FAT1: variants seen among roughly 807,000 people sequenced by gnomAD.
FAT1 encodes the protein protocadherin Fat 1.
Under a neutral mutation model 329.8 loss-of-function variants are expected in FAT1, and 171 were observed. The ratio of observed to expected loss-of-function variants is 0.52; its 90% CI spans 0.46 to 0.59. The LOEUF is 0.59. FAT1 is among the 20% of genes least tolerant of loss of function. The pLI is 0.00. For synonymous variants in FAT1, 2,233 were observed against 2,228.6 expected, an observed-to-expected ratio of 1.00 and a Z score of -0.06; for missense variants, 5,672 against 5,774.4, an observed-to-expected ratio of 0.98 and a Z score of 0.57.
At chr4:186,642,774 C>T (rs396205) in intron 3 of FAT1, among the ~76,000 whole-genome samples, 17,425 of 152,134 alleles carry the variant, frequency 0.11, 1,061 homozygotes, top group African/African-American at 0.14. Flanking sequence ...ACCACACCCA[C>T]AGAAGTGAGC....
chr4:186,719,372 C>T (rs1745364085), intron 1 of FAT1, among the ~76,000 whole-genome samples: 1 of 152,168 alleles, frequency 6.6e-6, no homozygotes, highest in Admixed American at 6.5e-5. Flanking sequence ...AACAATAAAA[C>T]AGTAAAAATA....
In FAT1 at chr4:186,603,313, C is replaced by A; in HGVS notation, c.11213G>T (p.Cys3738Phe). Reference sequence around the variant, plus strand: ...CTTCCAGGGGCAGTCCAGTCCCGCGCAGAGTTTCTGGAATACATTCAGTAT... The same window carrying A: ...CTTCCAGGGGCAGTCCAGTCCCGCGAAGAGTTTCTGGAATACATTCAGTAT... ...VRILNVFQKL[C>F]AGLDCPWKFC... The change falls in exon 19 of 27, where the codon TGC (cysteine) becomes TTC (phenylalanine). Residue 3738 changes from cysteine to phenylalanine, a missense_variant. Around this residue, in one of 2 missense-constraint regions of FAT1, gnomAD observed 1,706 missense variants for 1,859.1 expected, o/e 0.92. Transcript: ENST00000441802. 1 of 1,614,020 alleles carries A rather than the reference C, an allele frequency of 6.2e-7. No homozygotes were observed. The highest frequency in any genetic ancestry group is 8.5e-7 in the Non-Finnish European group (1 of 1,179,890).
chr4:186,678,210 A>G (rs1409127111), intron 2 of FAT1, among the ~76,000 whole-genome samples: 1 of 152,156 alleles, frequency 6.6e-6, no homozygotes, highest in Non-Finnish European at 1.5e-5. Context: ...TAACCACTAG[A>G]AAAAACAAAT....
At chr4:186,663,761 A>G in intron 2 of FAT1, 148 bp from the exon 3 acceptor site, 1 of 613,704 alleles carries the variant, frequency 1.6e-6, no homozygotes, top group South Asian at 2.2e-5. Flanking sequence ...CCTTTCTGTG[A>G]CTCAGCTTCC....
At chr4:186,698,124 T>C (rs1744124945) in intron 2 of FAT1, among the ~76,000 whole-genome samples, 1 of 152,192 alleles carries the variant, frequency 6.6e-6, no homozygotes, top group African/African-American at 2.4e-5. Context: ...ACAAAACAAA[T>C]GAGGGCTACT....
At chr4:186,646,004 C>CACACAT (rs1491403367) in intron 3 of FAT1, among the ~76,000 whole-genome samples, 1,608 of 134,904 alleles carry the variant, frequency 0.012, 63 homozygotes, top group African/African-American at 0.042. Flanking sequence ...CACACACACA[C>CACACAT]ATGAAAGATG....
chr4:186,722,955 T>C (rs1056391759), intron 1 of FAT1, among the ~76,000 whole-genome samples: 6 of 151,864 alleles, frequency 4.0e-5, no homozygotes, highest in African/African-American at 1.5e-4. Flanking sequence ...ACTCATACAA[T>C]TGCGTCCTTG....
rs760155268 is a variant in FAT1 at position 186,657,045 on chromosome 4, G to C, written c.3580+6254C>G. On this transcript the variant is annotated intron_variant, in intron 3 of 26. Transcript: ENST00000441802. Reference sequence around the variant, plus strand: ...CTAGACATCAGGCAAAGAAAGACAAGGATCCCTGAGAGAAACAGATGAGGG... The same window carrying C: ...CTAGACATCAGGCAAAGAAAGACAACGATCCCTGAGAGAAACAGATGAGGG... 4.0e-4 allele frequency among the ~76,000 whole-genome samples: 61 copies of C among 152,004 alleles called. 1 individual carries two copies. The highest frequency in any genetic ancestry group is 3.3e-4 in the Admixed American group (5 of 15,258).
intron 3 of FAT1, among the ~76,000 whole-genome samples, chr4:186,650,486 T>C (rs1431062670): frequency 6.6e-6 from 1 of 152,140 alleles, no homozygotes. Flanking sequence ...TAAAGCAAAA[T>C]AGCCTCTCTG....
At chr4:186,617,611 C>A in intron 10 of FAT1, 97 bp downstream of exon 10, 1 of 1,028,996 alleles carries the variant, frequency 9.7e-7, no homozygotes, top group Non-Finnish European at 1.4e-6. Context: ...AAAATCATCC[C>A]TTAAATCCCC....
At chr4:186,724,680 G>A (rs1745651725), upstream of FAT1, among the ~76,000 whole-genome samples, 2 of 152,194 alleles carry the variant, frequency 1.3e-5, no homozygotes, top group Admixed American at 1.3e-4. This position sits in a 1 kb window ranked among gnomAD's most constrained non-coding sequence, Gnocchi z 5.3. Flanking sequence ...GAGCGTCCCG[G>A]GCGCGGAGCC....
At chr4:186,599,705 G>T (rs1163270000) in intron 22 of FAT1, among the ~76,000 whole-genome samples, 193 bp downstream of exon 22, 2 of 152,188 alleles carry the variant, frequency 1.3e-5, no homozygotes, top group Non-Finnish European at 2.9e-5. Flanking sequence ...GGTACCTGCA[G>T]CCTGGGCACC....
chr4:186,603,138 A>T (rs752392281), intron 19 of FAT1, 38 bp downstream of exon 19: 2 of 1,609,028 alleles, frequency 1.2e-6, no homozygotes, highest in Non-Finnish European at 1.7e-6. Flanking sequence ...GTCTGAAACC[A>T]TCTGTGACAC....
rs965096439 is a variant in FAT1, at chr4:186,621,252, G to C, written c.5334C>G (p.Ala1778=). 2 of 1,614,014 alleles carry C rather than the reference G, an allele frequency of 1.2e-6. No homozygotes were observed. The highest frequency in any genetic ancestry group is 1.7e-5 in the Admixed American group (1 of 60,028). The change falls in exon 10 of 27, where the codon GCC becomes GCG. Residue 1778 remains alanine (A), a synonymous_variant. Transcript: ENST00000441802. ...AEYTGLISES[A]SINSVVLTDR... Reference sequence around the variant, plus strand: ...CTGTTAGGACCACGCTGTTAATTGAGGCTGATTCACTAATGAGTCCTGTAT... The same window carrying C: ...CTGTTAGGACCACGCTGTTAATTGACGCTGATTCACTAATGAGTCCTGTAT...
Position 186,603,208 on chromosome 4 carries a change from C to T in FAT1, c.11318G>A (p.Arg3773His), listed in dbSNP as rs766902640. Residue 3773 changes from arginine (R) to histidine (H), a missense_variant, in exon 19 of 27, where the codon CGC becomes CAC. Arg to His is a conservative substitution (Grantham distance 29, BLOSUM62 0). Transcript: ENST00000441802. ...GAGACACACCGCTGCCCTGTGGTGG[C>T]GGGGAGTCACAAAACTCAGTCTGGC... ...STARLSFVTPRHHRAAVCLCK... is the reference protein window; with the variant it reads ...STARLSFVTPHHHRAAVCLCK... The T allele has an allele frequency of 1.6e-5, 26 of 1,613,452 alleles. No homozygotes were observed. The East Asian group carries it at 2.7e-4, about 17-fold the overall frequency.
At chr4:186,614,116 G>C in intron 12 of FAT1, 75 bp downstream of exon 12, 1 of 1,284,116 alleles carries the variant, frequency 7.8e-7, no homozygotes, top group East Asian at 2.7e-5. Flanking sequence ...CAAATTTTGT[G>C]TGTGATCTAA....
At position 186,613,145 on chromosome 4, in the gene FAT1, G is replaced by A. The variant is rs755544570; in HGVS notation, c.9427C>T (p.Leu3143=). The stretch of plus-strand genomic sequence containing the variant: ...TCTGTGGCCTGCACTCTTGTCAGCA[G>A]CGTTCCCGGCTCTGTGTTTTCAAAC... ...TVFENTEPGT[L]LTRVQATDAD... The change falls in exon 13 of 27, where the codon CTG becomes TTG. Residue 3143 remains leucine (L), a synonymous_variant. Transcript: ENST00000441802. 6.2e-7 allele frequency: 1 copy of A among 1,613,056 alleles called. No individual in the cohort carries two copies. The highest frequency in any genetic ancestry group is 1.7e-5 in the Admixed American group (1 of 60,022).
Position 186,645,978 on chromosome 4 carries a change from C to T in FAT1, c.3581-6195G>A, listed in dbSNP as rs1409465904. ...AAAAAAAAAAATATATACACACACA[C>T]ACACACACACACACACACACACACA... On this transcript the variant is annotated intron_variant, in intron 3 of 26. Transcript: ENST00000441802. 9.0e-4 allele frequency among the ~76,000 whole-genome samples: 130 copies of T among 144,264 alleles called. 5 individuals are homozygous for T. The highest frequency in any genetic ancestry group is 3.4e-3 in the African/African-American group (128 of 37,914). The allele number at this position is 144,264 out of a possible 152,430, so 94.6% of individuals were successfully genotyped here. A position where few individuals can be genotyped will look rare whatever the true frequency, so the allele number is the denominator to read the frequency against.
In FAT1 at chr4:186,708,206, G is replaced by A. The variant is rs1350253216; in HGVS notation, c.1622C>T (p.Ser541Leu). Residue 541 changes from serine to leucine, a missense_variant, in exon 2 of 27, where the codon TCA becomes TTA. Around this residue, in one of 2 missense-constraint regions of FAT1, gnomAD observed 3,966 missense variants for 3,915.2 expected, o/e 1.01. Transcript: ENST00000441802. Reference sequence around the variant, plus strand: ...CCGGCGGTACGGCAAGCCCCAGTCTGATGCACGAATCCTCAGAGTATAAAC... The same window carrying A: ...CCGGCGGTACGGCAAGCCCCAGTCTAATGCACGAATCCTCAGAGTATAAAC... ...PRVYTLRIRA[S>L]DWGLPYRREV... 1.2e-6 allele frequency: 2 copies of A among 1,613,888 alleles called. No homozygotes were observed. Among genetic ancestry groups the A allele is most frequent in the South Asian group, 1.1e-5 (1 of 91,090 alleles).
Sources: allele counts gnomAD v4.1 joint callset (sites outside exome capture counted in the v4.1 genomes callset), GRCh38; gene constraint gnomAD v4.1.1; regional missense constraint gnomAD v4.1.1; non-coding constraint Gnocchi (gnomAD v3.1); transcripts MANE v1.5; gene names NCBI Gene and HGNC (gene_info 2026-07-23, HGNC 2026-07-21).